The following CUX1 variants were observed in gnomAD, a reference collection of about 807,000 sequenced individuals.
CUX1 encodes cut like homeobox 1.
A neutral mutation model predicts 158.8 loss-of-function variants in CUX1; 31 were observed. The observed-to-expected ratio is 0.20, with a 90% CI of 0.15 to 0.26. CUX1 has a LOEUF of 0.26. CUX1 is among the 10% of genes least tolerant of loss of function. CUX1 has a pLI of 1.00. For missense variants in CUX1, 1,589 were observed against 2,014.6 expected (o/e 0.79, Z 4.04); for synonymous variants, 879 against 862.1 (o/e 1.02, Z -0.34).
intron 20 of CUX1, among the ~76,000 whole-genome samples, chr7:102,209,552 C>G (rs1364596480): frequency 6.6e-6 from 1 of 152,138 alleles, no homozygotes. Context: ...CCTGGTACGT[C>G]TTAACTTTCT....
At chr7:102,176,663 T>G (rs1792388960) in intron 10 of CUX1, among the ~76,000 whole-genome samples, 1 of 131,982 alleles carries the variant, frequency 7.6e-6, no homozygotes, top group South Asian at 2.7e-4. Context: ...CTCAACCTCC[T>G]CAAGCTCAAG....
intron 3 of CUX1, among the ~76,000 whole-genome samples, chr7:102,032,227 C>T (rs1444232034): frequency 6.6e-6 from 1 of 152,104 alleles, no homozygotes; most frequent in East Asian, 1.9e-4. Flanking sequence ...CCACGCCTGG[C>T]CTGGAAGTGG....
intron 1 of CUX1, among the ~76,000 whole-genome samples, chr7:101,911,057 G>A (rs1270644472): frequency 2.0e-5 from 3 of 152,270 alleles, no homozygotes; most frequent in East Asian, 1.9e-4. Flanking sequence ...GTACACCAGC[G>A]TCACGGGATG....
At chr7:101,823,777 A>G (rs1365137218) in intron 1 of CUX1, among the ~76,000 whole-genome samples, 2 of 152,202 alleles carry the variant, frequency 1.3e-5, no homozygotes, top group Non-Finnish European at 2.9e-5. Flanking sequence ...CAAATTGACA[A>G]ATTAGCTCTT....
chr7:101,994,029 T>C (rs1815491830), intron 2 of CUX1, among the ~76,000 whole-genome samples: 1 of 152,204 alleles, frequency 6.6e-6, no homozygotes, highest in East Asian at 1.9e-4. Flanking sequence ...ACATTGAGGC[T>C]TCCAGCCCCC....
At chr7:101,929,262 C>T (rs1806022472) in intron 2 of CUX1, among the ~76,000 whole-genome samples, 3 of 152,282 alleles carry the variant, frequency 2.0e-5, no homozygotes, top group Admixed American at 6.5e-5. Context: ...CTACTGCGGA[C>T]TTGAACAGAT....
intron 8 of CUX1, among the ~76,000 whole-genome samples, chr7:102,134,063 G>C (rs1332924593): frequency 5.9e-5 from 9 of 152,188 alleles, no homozygotes; most frequent in African/African-American, 2.2e-4. Context: ...GTCCTGGCGC[G>C]CTGGCTCACA....
intron 8 of CUX1, among the ~76,000 whole-genome samples, chr7:102,143,771 T>C (rs1203901808): frequency 1.3e-5 from 2 of 150,374 alleles, no homozygotes; most frequent in Non-Finnish European, 3.0e-5. Flanking sequence ...GGCCACTTCT[T>C]CTTTTGTTTT....
At chr7:101,913,420 C>G (rs1563000109) in intron 1 of CUX1, 11 of 1,255,310 alleles carry the variant, frequency 8.8e-6, no homozygotes, top group African/African-American at 1.5e-5. Flanking sequence ...CGCACTGGCT[C>G]TGCAGCCCCG....
At chr7:101,904,661 C>T (rs1413085832) in intron 1 of CUX1, among the ~76,000 whole-genome samples, 2 of 151,456 alleles carry the variant, frequency 1.3e-5, no homozygotes, top group African/African-American at 4.9e-5. Context: ...CTCTGCCTCC[C>T]GGGTTCAAGC....
intron 16 of CUX1, chr7:102,274,321 G>C (rs782575759): frequency 4.3e-5 from 69 of 1,610,932 alleles, no homozygotes; most frequent in Non-Finnish European, 5.4e-5. Context: ...GTAAGGAGAG[G>C]CCTGACCCAT....
At chr7:101,845,595 G>C (rs554611671) in intron 1 of CUX1, among the ~76,000 whole-genome samples, 16 of 152,326 alleles carry the variant, frequency 1.1e-4, no homozygotes, top group African/African-American at 3.8e-4. Flanking sequence ...CTGGCTGCCA[G>C]GACAGTTAAC....
intron 1 of CUX1, among the ~76,000 whole-genome samples, chr7:101,863,358 CT>C (rs973008077): frequency 7.5e-5 from 9 of 120,784 alleles, no homozygotes; most frequent in Non-Finnish European, 9.0e-5. Context: ...TTTTTTTCTT[CT>C]TTTTTTTTTG....
intron 8 of CUX1, among the ~76,000 whole-genome samples, chr7:102,120,889 C>G (rs1413740364): frequency 6.6e-6 from 1 of 152,022 alleles, no homozygotes; most frequent in African/African-American, 2.4e-5. Context: ...CATAGTGAGA[C>G]CCCACCTCTA....
Position 102,157,105 on chromosome 7 carries a change from G to A in CUX1, c.675-1455G>A, listed in dbSNP as rs1317795467. Among the ~76,000 whole-genome samples, 4 of 152,314 alleles carry A rather than the reference G, an allele frequency of 2.6e-5. No individual in the cohort carries two copies. In the East Asian group the frequency reaches 7.7e-4, roughly 29 times the overall value. On this transcript the variant is annotated intron_variant, in intron 8 of 23. Coordinates refer to ENST00000292535, the MANE Select transcript of CUX1 (RefSeq NM_181552.4). ...GCTCTTTGGGGTCCCGCACGAGATG[G>A]GAGTTGTTAGAGCACAGGGTCCTGA... is the stretch of plus-strand genomic sequence containing the variant.
In CUX1 at chr7:102,204,377, C is replaced by T. The variant is rs782651068; in HGVS notation, c.2908-14C>T. ...GCCAGGCACTGATGGCCTGTGTGTTCGGTGCCACTCCAGGTGCTGGGCCTG... is the reference window on the plus strand; with the variant it reads ...GCCAGGCACTGATGGCCTGTGTGTTTGGTGCCACTCCAGGTGCTGGGCCTG... On this transcript the variant is annotated splice_polypyrimidine_tract_variant and intron_variant, in intron 18 of 23. Coordinates refer to ENST00000292535, the MANE Select transcript of CUX1 (RefSeq NM_181552.4). 15 of 1,612,542 alleles carry T rather than the reference C, an allele frequency of 9.3e-6. No homozygotes were observed. Among genetic ancestry groups the T allele is most frequent in the East Asian group, 6.7e-5 (3 of 44,880 alleles).
In CUX1 at chr7:102,249,105, G is replaced by GGGCAGGCGCTGCGGACAC. The variant is rs1228398963; in HGVS notation, c.*64_*81dup. 5.0e-6 allele frequency: 6 copies of GGGCAGGCGCTGCGGACAC among 1,197,536 alleles called. No individual in the cohort carries two copies. The highest frequency in any genetic ancestry group is 6.2e-6 in the Non-Finnish European group (6 of 962,332). 74.2% of individuals were successfully genotyped at this position (1,197,536 alleles called of 1,614,324 possible). A position where few individuals can be genotyped will look rare whatever the true frequency, so the allele number is the denominator to read the frequency against. On this transcript the variant is annotated 3_prime_UTR_variant, in exon 24 of 24. Coordinates refer to ENST00000292535, the MANE Select transcript of CUX1 (RefSeq NM_181552.4). ...GCAAGGGCCTGGACGGGGTCGGACG[G>GGGCAGGCGCTGCGGACAC]GGCAGGCGCTGCGGACACCGTGGCC...
intron 3 of CUX1, among the ~76,000 whole-genome samples, chr7:102,042,254 G>C (rs1381515315): frequency 6.6e-6 from 1 of 152,190 alleles, no homozygotes; most frequent in Non-Finnish European, 1.5e-5. Context: ...CAGAAATACA[G>C]CTCCCCAGGC....
At chr7:102,137,148 C>A (rs569564121) in intron 8 of CUX1, among the ~76,000 whole-genome samples, 132 of 152,272 alleles carry the variant, frequency 8.7e-4, no homozygotes, top group Non-Finnish European at 1.6e-3. Context: ...TGGGAAGAAT[C>A]GTGGAGGCTC....
Sources: gnomAD v4.1 joint callset for allele counts (sites outside exome capture counted in the v4.1 genomes callset) on GRCh38, gnomAD v4.1.1 for gene constraint, MANE v1.5 for transcripts, NCBI Gene and HGNC (gene_info 2026-07-23, HGNC 2026-07-21) for gene names.